The following PHF24 variants were observed in gnomAD, a reference collection of about 807,000 sequenced individuals.
PHF24 encodes the protein Galpha inhibitory interacting protein.
PHF24 carries 25 observed loss-of-function variants against 42.6 expected under a neutral mutation model. The observed-to-expected ratio is 0.59, with a 90% CI of 0.43 to 0.82. The LOEUF is 0.82. PHF24 is among the 40% of genes least tolerant of loss of function. The probability of loss-of-function intolerance (pLI) is 0.00; values close to 1 mark genes in which losing one functional copy is unlikely to be tolerated. For synonymous variants in PHF24, 185 were observed against 204.8 expected (o/e 0.90, Z 0.83); for missense variants, 470 against 538.1 (o/e 0.87, Z 1.25).
At chr9:34,881,633 C>A in the PHF24 span, among the ~76,000 whole-genome samples, 1 of 152,176 alleles carries the variant, frequency 6.6e-6, no homozygotes, top group Non-Finnish European at 1.5e-5. Flanking sequence ...AATTTCTGGA[C>A]ACATACACCC....
At chr9:34,909,623 C>CTTTTTTT in the PHF24 span, among the ~76,000 whole-genome samples, 1 of 150,452 alleles carries the variant, frequency 6.6e-6, no homozygotes, top group African/African-American at 2.5e-5. Flanking sequence ...GAGAAGAAAT[C>CTTTTTTT]CTTTTTTTTT....
At chr9:34,908,165 G>C in the PHF24 span, among the ~76,000 whole-genome samples, 2 of 130,042 alleles carry the variant, frequency 1.5e-5, no homozygotes, top group Non-Finnish European at 3.2e-5. Flanking sequence ...TTCACCTGCT[G>C]TAAGTTTTCT....
chr9:34,875,936 A>ACTCTCTCTCTCT, the PHF24 span, among the ~76,000 whole-genome samples: 146 of 87,670 alleles, frequency 1.7e-3, 1 homozygote, highest in East Asian at 3.1e-3. Context: ...ACACACACAC[A>ACTCTCTCTCTCT]CACACACACA....
chr9:34,695,708 T>G, the PHF24 span, among the ~76,000 whole-genome samples: 1 of 152,184 alleles, frequency 6.6e-6, no homozygotes, highest in Non-Finnish European at 1.5e-5. Context: ...GTCTGCCAGA[T>G]AATTTCTTGG....
the PHF24 span, among the ~76,000 whole-genome samples, chr9:34,765,305 A>G: frequency 2.0e-5 from 3 of 151,078 alleles, no homozygotes; most frequent in East Asian, 3.9e-4. Context: ...TGGGGTGTTA[A>G]AGTCTCCCAT....
chr9:34,673,911 G>T, the PHF24 span, among the ~76,000 whole-genome samples: 3 of 151,910 alleles, frequency 2.0e-5, no homozygotes, highest in African/African-American at 7.3e-5. Flanking sequence ...GTGAGCCACC[G>T]CACCTGGCCA....
chr9:34,856,497 T>G, the PHF24 span, among the ~76,000 whole-genome samples: 6 of 152,222 alleles, frequency 3.9e-5, no homozygotes, highest in African/African-American at 1.2e-4. Flanking sequence ...TTGCTTTCTG[T>G]TTGTTTTTCT....
the PHF24 span, among the ~76,000 whole-genome samples, chr9:34,741,904 G>C: frequency 6.6e-6 from 1 of 152,016 alleles, no homozygotes; most frequent in Admixed American, 6.5e-5. Context: ...TAAATGGGGG[G>C]GTGGGGAGAG....
At chr9:34,808,472 A>G in the PHF24 span, among the ~76,000 whole-genome samples, 8 of 152,118 alleles carry the variant, frequency 5.3e-5, no homozygotes, top group Admixed American at 4.6e-4. Context: ...CCCGCCAAAA[A>G]AATAGCAAAA....
At chr9:34,917,508 C>A in the PHF24 span, 1 of 773,244 alleles carries the variant, frequency 1.3e-6, no homozygotes, top group Non-Finnish European at 2.4e-6. Context: ...CCTGCAGAGA[C>A]CAATTTGAGG....
chr9:34,886,431 C>G, the PHF24 span, among the ~76,000 whole-genome samples: 1 of 152,124 alleles, frequency 6.6e-6, no homozygotes, highest in African/African-American at 2.4e-5. Flanking sequence ...TTCTCAGGGT[C>G]ATTAGTGATC....
chr9:34,723,725 A>G, the PHF24 span: 3 of 1,551,736 alleles, frequency 1.9e-6, no homozygotes, highest in Non-Finnish European at 1.7e-6. Flanking sequence ...TGGTTGGCTC[A>G]GGAAAGGCTG....
the PHF24 span, among the ~76,000 whole-genome samples, chr9:34,868,646 T>C: frequency 6.6e-6 from 1 of 152,216 alleles, no homozygotes; most frequent in Non-Finnish European, 1.5e-5. Context: ...GAGCTCTGGT[T>C]GCAACTGATT....
chr9:34,861,720 T>A, the PHF24 span, among the ~76,000 whole-genome samples: 1 of 152,204 alleles, frequency 6.6e-6, no homozygotes, highest in Non-Finnish European at 1.5e-5. Flanking sequence ...TACAGAAGAA[T>A]GACAGTTTAT....
chr9:34,869,568 G>T, the PHF24 span, among the ~76,000 whole-genome samples: 1 of 152,070 alleles, frequency 6.6e-6, no homozygotes, highest in Middle Eastern at 3.4e-3. Flanking sequence ...TCCTGCTGCA[G>T]AACAGCTCCC....
At chr9:34,949,018 AC>A in the PHF24 span, among the ~76,000 whole-genome samples, 1 of 152,244 alleles carries the variant, frequency 6.6e-6, no homozygotes, top group Non-Finnish European at 1.5e-5. Context: ...GCACATAATA[AC>A]AGATGCTAAA....
the PHF24 span, among the ~76,000 whole-genome samples, chr9:34,879,863 C>A: frequency 7.9e-5 from 12 of 152,272 alleles, no homozygotes; most frequent in Admixed American, 7.8e-4. Context: ...CACAAAGATA[C>A]TCCTCGAGAA....
the PHF24 span, among the ~76,000 whole-genome samples, chr9:34,697,326 A>T: frequency 1.3e-5 from 2 of 149,232 alleles, no homozygotes; most frequent in Middle Eastern, 3.4e-3. Flanking sequence ...ACATTCACAA[A>T]TTTTTTTTTT....
At chr9:34,836,828 T>A in the PHF24 span, among the ~76,000 whole-genome samples, 2 of 152,176 alleles carry the variant, frequency 1.3e-5, no homozygotes, top group African/African-American at 4.8e-5. Context: ...TTATGAATAA[T>A]GTACTAGTAA....
Sources: gnomAD v4.1 joint callset for allele counts (sites outside exome capture counted in the v4.1 genomes callset) on GRCh38, gnomAD v4.1.1 for gene constraint, MANE v1.5 for transcripts, NCBI Gene and HGNC (gene_info 2026-07-23, HGNC 2026-07-21) for gene names.